GRIK4: variants seen among roughly 807,000 people sequenced by gnomAD.
GRIK4 encodes glutamate receptor ionotropic, kainate 4.
Under a neutral mutation model 104.9 loss-of-function variants are expected in GRIK4, and 40 were observed. The ratio of observed to expected loss-of-function variants is 0.38; its 90% confidence interval spans 0.30 to 0.50. The LOEUF (loss-of-function observed/expected upper bound fraction) is 0.50. Ranked by LOEUF, GRIK4 falls within the 20% of genes least tolerant of loss-of-function variation. The pLI, the probability that GRIK4 is intolerant of heterozygous loss-of-function variation, is 0.93. For synonymous variants in GRIK4, 485 were observed against 524.9 expected (o/e 0.92, Z 1.04); for missense variants, 1,047 against 1,308.1 (o/e 0.80, Z 3.08).
At chr11:120,958,550 C>A (rs974609800) in intron 16 of GRIK4, among the ~76,000 whole-genome samples, 10 of 152,220 alleles carry the variant, frequency 6.6e-5, no homozygotes, top group Non-Finnish European at 1.5e-4. Flanking sequence ...ACCTCCTCAC[C>A]CAGAGCACGT....
chr11:120,644,061 A>AGAG (rs1949509441), intron 1 of GRIK4, among the ~76,000 whole-genome samples: 2 of 32,970 alleles, frequency 6.1e-5, no homozygotes, highest in African/African-American at 1.3e-4. Flanking sequence ...GAGAGAGAGG[A>AGAG]GAGAGAGAGA....
intron 13 of GRIK4, among the ~76,000 whole-genome samples, chr11:120,917,264 A>AAAAAAAAAG (rs1943126713): frequency 5.4e-5 from 8 of 147,236 alleles, no homozygotes; most frequent in African/African-American, 2.1e-4. Context: ...AAAAAAAAAA[A>AAAAAAAAAG]AAAAAAAAGA....
chr11:120,536,526 A>G (rs1947977621), intron 1 of GRIK4, among the ~76,000 whole-genome samples: 1 of 152,126 alleles, frequency 6.6e-6, no homozygotes, highest in Non-Finnish European at 1.5e-5. Context: ...GCCTGGAGAG[A>G]GGTCACATTT....
intron 9 of GRIK4, chr11:120,870,514 T>A (rs1244797806): frequency 2.6e-5 from 4 of 151,718 alleles, no homozygotes; most frequent in East Asian, 3.9e-4. Flanking sequence ...TTGCCCCAAG[T>A]TGTCCTGGGA....
intron 3 of GRIK4, among the ~76,000 whole-genome samples, chr11:120,696,844 T>A (rs1414638674): frequency 1.3e-5 from 2 of 152,166 alleles, no homozygotes; most frequent in Non-Finnish European, 2.9e-5. Flanking sequence ...GCCAACCAGC[T>A]TCCTAACTCT....
At chr11:120,729,783 A>T (rs1259482988) in intron 3 of GRIK4, among the ~76,000 whole-genome samples, 1 of 151,956 alleles carries the variant, frequency 6.6e-6, no homozygotes, top group Non-Finnish European at 1.5e-5. Context: ...CTTATTTGTC[A>T]ATTTTTTTCT....
rs952967196 is a variant in GRIK4, at chr11:120,520,658, CCTGG to C, written c.-159+8785_-159+8788del. On this transcript the variant is annotated intron_variant, in intron 1 of 20. Transcript: ENST00000527524. Reference sequence around the variant, plus strand: ...GTCCACTCACCACCTCCTCCAAGGGCCTGGCTGGCTGGCTGGCCTGGCTGCCCCA... The same window carrying C: ...GTCCACTCACCACCTCCTCCAAGGGCCTGGCTGGCTGGCCTGGCTGCCCCA... Among the ~76,000 whole-genome samples, 9 of 152,186 alleles carry C rather than the reference CCTGG, an allele frequency of 5.9e-5. No individual in the cohort carries two copies. The East Asian group carries it at 7.7e-4, about 13-fold the overall frequency.
intron 9 of GRIK4, 49 bp from the exon 10 acceptor site, chr11:120,874,017 C>T (rs2135677939): frequency 6.5e-7 from 1 of 1,548,026 alleles, no homozygotes; most frequent in South Asian, 1.2e-5. Context: ...CCCTTTCTTC[C>T]TCTACACCTC....
At chr11:120,732,211 A>G (rs1267375811) in intron 3 of GRIK4, among the ~76,000 whole-genome samples, 2 of 152,114 alleles carry the variant, frequency 1.3e-5, no homozygotes, top group Non-Finnish European at 2.9e-5. Context: ...GGTTCACTGC[A>G]ACCTGTGCCT....
chr11:120,668,150 AGTAGGTAGATAAGTACATAG>A (rs1565284236), intron 3 of GRIK4, among the ~76,000 whole-genome samples: 1 of 142,686 alleles, frequency 7.0e-6, no homozygotes, highest in East Asian at 2.1e-4. Context: ...TAGATAGATA[AGTAGGTAGATAAGTACATAG>A]GTAGGTAGAT....
intron 3 of GRIK4, among the ~76,000 whole-genome samples, chr11:120,712,981 T>G (rs1329212315): frequency 1.2e-4 from 19 of 152,180 alleles, no homozygotes; most frequent in Admixed American, 1.2e-3. Context: ...CTGGTCACAG[T>G]TTCCTGCGTG....
At chr11:120,677,549 C>G (rs1326048135) in intron 3 of GRIK4, among the ~76,000 whole-genome samples, 1 of 152,186 alleles carries the variant, frequency 6.6e-6, no homozygotes, top group Non-Finnish European at 1.5e-5. Context: ...GTTTAGGGCT[C>G]AGCTCTATGG....
At chr11:120,824,703 C>T (rs1242285783) in intron 6 of GRIK4, among the ~76,000 whole-genome samples, 3 of 151,774 alleles carry the variant, frequency 2.0e-5, no homozygotes, top group Non-Finnish European at 4.4e-5. Context: ...GCATGCACCA[C>T]CACGCCTGGC....
At chr11:120,834,189 C>T (rs80342298) in intron 7 of GRIK4, among the ~76,000 whole-genome samples, 379 of 152,228 alleles carry the variant, frequency 2.5e-3, no homozygotes, top group African/African-American at 8.9e-3. Context: ...ACAGTTTACA[C>T]TTTCGCCAGC....
At chr11:120,871,389 G>A in intron 9 of GRIK4, 1 of 351,100 alleles carries the variant, frequency 2.8e-6, no homozygotes, top group Non-Finnish European at 5.7e-6. Flanking sequence ...ACCATGCAGG[G>A]CGAATCAAAT....
intron 1 of GRIK4, among the ~76,000 whole-genome samples, chr11:120,575,168 C>T (rs1381689400): frequency 6.6e-6 from 1 of 152,118 alleles, no homozygotes; most frequent in East Asian, 1.9e-4. Flanking sequence ...CAGTTATGCA[C>T]GTTCATGCTG....
chr11:120,937,860 A>C (rs1943632093), intron 13 of GRIK4, among the ~76,000 whole-genome samples: 1 of 152,208 alleles, frequency 6.6e-6, no homozygotes, highest in African/African-American at 2.4e-5. Flanking sequence ...CGACTTGTAA[A>C]ATGATTTCCA....
intron 3 of GRIK4, among the ~76,000 whole-genome samples, chr11:120,672,092 C>T (rs1409765920): frequency 1.3e-5 from 2 of 152,068 alleles, no homozygotes; most frequent in African/African-American, 4.8e-5. Context: ...TGCTTAGGAT[C>T]GTCTTGGCTA....
intron 3 of GRIK4, among the ~76,000 whole-genome samples, chr11:120,747,365 C>A (rs568646906): frequency 6.6e-6 from 1 of 152,178 alleles, no homozygotes; most frequent in Admixed American, 6.5e-5. Flanking sequence ...CCTGCGCATC[C>A]CCAGCCTGTC....
Sources: allele counts gnomAD v4.1 joint callset (sites outside exome capture counted in the v4.1 genomes callset), GRCh38; gene constraint gnomAD v4.1.1; transcripts MANE v1.5; gene names NCBI Gene and HGNC (gene_info 2026-07-23, HGNC 2026-07-21).